The following GLIS3 variants were observed in gnomAD, a reference collection of about 807,000 sequenced individuals.
The protein encoded by GLIS3 is GLIS family zinc finger 3.
A neutral mutation model predicts 78.6 loss-of-function variants in GLIS3; 53 were observed. The observed-to-expected ratio is 0.67, with a 90% CI of 0.54 to 0.85. The LOEUF (loss-of-function observed/expected upper bound fraction) is 0.85. GLIS3 is among the 40% of genes least tolerant of loss of function. The pLI is 0.00. For synonymous variants in GLIS3, 684 were observed against 509.9 expected, an observed-to-expected ratio of 1.34 and a Z score of -4.60; for missense variants, 1,703 against 1,231.1, an observed-to-expected ratio of 1.38 and a Z score of -5.74.
At chr9:4,293,285 T>G (rs1361043356) in intron 1 of GLIS3, among the ~76,000 whole-genome samples, 3 of 152,188 alleles carry the variant, frequency 2.0e-5, no homozygotes, top group South Asian at 2.1e-4. Context: ...AACCAAATAT[T>G]CAGGCATCTT....
chr9:3,851,659 G>A (rs2130185244), intron 9 of GLIS3, among the ~76,000 whole-genome samples: 1 of 150,624 alleles, frequency 6.6e-6, no homozygotes, highest in Middle Eastern at 3.4e-3. Flanking sequence ...ATTACAGCAC[G>A]ATTAACAAAA....
the GLIS3 span, among the ~76,000 whole-genome samples, chr9:4,438,458 G>A: frequency 6.6e-6 from 1 of 152,186 alleles, no homozygotes; most frequent in Non-Finnish European, 1.5e-5. Context: ...TAAGGAGGGT[G>A]AGACAAGTCA....
intron 2 of GLIS3, among the ~76,000 whole-genome samples, chr9:4,331,251 A>T (rs1817680729): frequency 1.3e-5 from 2 of 151,874 alleles, no homozygotes; most frequent in African/African-American, 4.8e-5. Flanking sequence ...CATAATTCTC[A>T]TCTCTGCTTC....
the GLIS3 span, among the ~76,000 whole-genome samples, chr9:4,415,622 T>A: frequency 6.6e-6 from 1 of 152,216 alleles, no homozygotes; most frequent in Non-Finnish European, 1.5e-5. Context: ...AATTGCATAT[T>A]TTGTAATCTT....
chr9:4,407,760 A>G, the GLIS3 span, among the ~76,000 whole-genome samples: 7 of 152,230 alleles, frequency 4.6e-5, no homozygotes, highest in Non-Finnish European at 1.0e-4. Flanking sequence ...AGAAATGTAC[A>G]CATAGAATCA....
At chr9:4,362,782 A>C in the GLIS3 span, among the ~76,000 whole-genome samples, 1 of 152,206 alleles carries the variant, frequency 6.6e-6, no homozygotes, top group African/African-American at 2.4e-5. Context: ...CAAATAGAGC[A>C]AACTCTGCAG....
intron 4 of GLIS3, among the ~76,000 whole-genome samples, chr9:4,077,163 A>G (rs1357128327): frequency 6.6e-6 from 1 of 152,150 alleles, no homozygotes; most frequent in African/African-American, 2.4e-5. Flanking sequence ...AACATTTATG[A>G]TTTTTCCATG....
chr9:4,221,647 G>A (rs1218369000), intron 2 of GLIS3, among the ~76,000 whole-genome samples: 1 of 151,974 alleles, frequency 6.6e-6, no homozygotes, highest in South Asian at 2.1e-4. Context: ...TGTATGGAAT[G>A]GAAAATCTAA....
the GLIS3 span, among the ~76,000 whole-genome samples, chr9:4,477,134 T>G: frequency 6.6e-6 from 1 of 152,064 alleles, no homozygotes; most frequent in South Asian, 2.1e-4. Context: ...GCATTATTAT[T>G]CACAATAACC....
chr9:3,994,040 G>T (rs1484417771), intron 4 of GLIS3, among the ~76,000 whole-genome samples: 1 of 152,162 alleles, frequency 6.6e-6, no homozygotes, highest in African/African-American at 2.4e-5. Context: ...CCCACCCTCA[G>T]AGTTTGCTGA....
At chr9:3,981,453 C>T (rs964669329) in intron 4 of GLIS3, among the ~76,000 whole-genome samples, 7 of 152,088 alleles carry the variant, frequency 4.6e-5, no homozygotes, top group Admixed American at 1.3e-4. Flanking sequence ...AAGGATCATG[C>T]GGTCAGGCGG....
chr9:4,077,011 C>T (rs1045058147), intron 4 of GLIS3, among the ~76,000 whole-genome samples: 1 of 152,118 alleles, frequency 6.6e-6, no homozygotes, highest in Non-Finnish European at 1.5e-5. Flanking sequence ...GTGAGCTGAG[C>T]TCAAGCCTCT....
the GLIS3 span, among the ~76,000 whole-genome samples, chr9:4,480,345 C>G: frequency 6.6e-6 from 1 of 151,634 alleles, no homozygotes; most frequent in Admixed American, 6.6e-5. Context: ...GCTGGGCCTA[C>G]AGGCATGTGC....
chr9:3,974,994 C>G (rs1353840570), intron 4 of GLIS3: 2 of 152,008 alleles, frequency 1.3e-5, no homozygotes, highest in Non-Finnish European at 2.9e-5. Flanking sequence ...GAGGAAGAGG[C>G]ATGCGAAGAG....
chr9:4,020,436 G>C (rs1309076582), intron 4 of GLIS3, among the ~76,000 whole-genome samples: 2 of 152,174 alleles, frequency 1.3e-5, no homozygotes, highest in African/African-American at 2.4e-5. Flanking sequence ...GCTGTTCATT[G>C]AGTGCTTGCG....
chr9:4,022,952 T>A (rs1195509840), intron 4 of GLIS3, among the ~76,000 whole-genome samples: 2 of 152,178 alleles, frequency 1.3e-5, no homozygotes. Context: ...TGAGGCAACT[T>A]TGGAGGTGAT....
upstream of GLIS3, among the ~76,000 whole-genome samples, chr9:4,302,941 G>A (rs532998250): frequency 1.3e-5 from 2 of 152,276 alleles, no homozygotes; most frequent in Admixed American, 6.5e-5. Flanking sequence ...ACCATTTCAA[G>A]TATAGGAATC....
the GLIS3 span, among the ~76,000 whole-genome samples, chr9:4,410,066 A>G: frequency 1.3e-5 from 2 of 151,778 alleles, no homozygotes; most frequent in Admixed American, 6.6e-5. Context: ...TGCCTCCCAG[A>G]TTCAAGTGAT....
intron 2 of GLIS3, among the ~76,000 whole-genome samples, chr9:4,192,238 A>C (rs1471521180): frequency 2.6e-5 from 4 of 152,226 alleles, no homozygotes; most frequent in Non-Finnish European, 5.9e-5. Flanking sequence ...TGTTTCATTT[A>C]TAACATTACA....
Sources: gnomAD v4.1 joint callset for allele counts (sites outside exome capture counted in the v4.1 genomes callset) on GRCh38, gnomAD v4.1.1 for gene constraint, MANE v1.5 for transcripts, NCBI Gene and HGNC (gene_info 2026-07-23, HGNC 2026-07-21) for gene names.